The following GAD2 variants were observed in gnomAD, a reference collection of about 807,000 sequenced individuals.
The protein encoded by GAD2 is glutamate decarboxylase 2.
A neutral mutation model predicts 80.1 loss-of-function variants in GAD2; 22 were observed. The ratio of observed to expected loss-of-function variants is 0.27; its 90% CI spans 0.20 to 0.39. The LOEUF is 0.39. GAD2 is among the 10% of genes least tolerant of loss of function. The pLI is 1.00. For synonymous variants in GAD2, 274 were observed against 256.9 expected, an observed-to-expected ratio of 1.07 and a Z score of -0.64; for missense variants, 624 against 738.4, an observed-to-expected ratio of 0.85 and a Z score of 1.80.
chr10:26,234,014 T>C (rs944990477), intron 7 of GAD2, among the ~76,000 whole-genome samples: 2 of 152,040 alleles, frequency 1.3e-5, no homozygotes, highest in Admixed American at 6.6e-5. Flanking sequence ...TGCATAAATA[T>C]CAACCAACTT....
chr10:26,271,173 G>A (rs7068224), intron 10 of GAD2, among the ~76,000 whole-genome samples: 16,790 of 152,102 alleles, frequency 0.11, 3,034 homozygotes, highest in African/African-American at 0.38. Flanking sequence ...ACAAACAAAA[G>A]CAAAAAACTG....
At chr10:26,288,527 C>G (rs1834174399) in intron 13 of GAD2, among the ~76,000 whole-genome samples, 1 of 152,130 alleles carries the variant, frequency 6.6e-6, no homozygotes, top group Admixed American at 6.6e-5. Context: ...AAGAAAAACC[C>G]AAAGCAGTCA....
chr10:26,296,610 CA>C (rs1285975533), intron 15 of GAD2, among the ~76,000 whole-genome samples: 1 of 152,166 alleles, frequency 6.6e-6, no homozygotes, highest in African/African-American at 2.4e-5. Flanking sequence ...GCCTTGGACA[CA>C]GGGAGGGGCA....
At chr10:26,297,783 G>A (rs1426745438) in intron 15 of GAD2, among the ~76,000 whole-genome samples, 3 of 152,136 alleles carry the variant, frequency 2.0e-5, no homozygotes, top group African/African-American at 7.2e-5. Flanking sequence ...AGAGAGGAAG[G>A]GCAGGTTGGG....
chr10:26,246,673 A>C (rs996643456), intron 8 of GAD2, among the ~76,000 whole-genome samples: 10 of 152,214 alleles, frequency 6.6e-5, no homozygotes, highest in South Asian at 2.1e-4. Flanking sequence ...ATTTGTATTT[A>C]TTAGTCAGAT....
Position 26,219,285 on chromosome 10 carries a change from T to C in GAD2, c.520+9T>C. 3 of 1,458,974 alleles carry C rather than the reference T, an allele frequency of 2.1e-6. No homozygotes were observed. The highest frequency in any genetic ancestry group is 1.3e-5 in the South Asian group (1 of 78,374). The allele number at this position is 1,458,974 out of a possible 1,614,324, so 90.4% of individuals were successfully genotyped here. A position where few individuals can be genotyped will look rare whatever the true frequency, so the allele number is the denominator to read the frequency against. Reference sequence around the variant, plus strand: ...ATATGCAATTAAAACAGGTATTGTCTCATCGAAAATAATAAAGCTCTTTTT... The same window carrying C: ...ATATGCAATTAAAACAGGTATTGTCCCATCGAAAATAATAAAGCTCTTTTT... On this transcript the variant is annotated intron_variant, in intron 4 of 15. Transcript: ENST00000376261.
intron 12 of GAD2, among the ~76,000 whole-genome samples, chr10:26,282,303 C>T (rs1845281060): frequency 6.6e-6 from 1 of 152,086 alleles, no homozygotes; most frequent in Non-Finnish European, 1.5e-5. Context: ...ACAGTTAATA[C>T]ATTATTTTAG....
intron 11 of GAD2, among the ~76,000 whole-genome samples, chr10:26,277,242 C>T (rs756360217): frequency 1.1e-4 from 17 of 152,170 alleles, no homozygotes; most frequent in South Asian, 4.1e-4. Context: ...AGTTCAAACC[C>T]GTTTGGTTGG....
chr10:26,246,666 T>G (rs1442367432), intron 8 of GAD2, among the ~76,000 whole-genome samples: 1 of 152,222 alleles, frequency 6.6e-6, no homozygotes, highest in East Asian at 1.9e-4. Context: ...TTTATTTATT[T>G]GTATTTATTA....
At chr10:26,246,798 G>A (rs1226250973) in intron 8 of GAD2, among the ~76,000 whole-genome samples, 2 of 152,340 alleles carry the variant, frequency 1.3e-5, no homozygotes, top group Non-Finnish European at 2.9e-5. Context: ...GAAGGAGATA[G>A]TTACAGGGTG....
At chr10:26,234,633 A>G (rs2132279399) in intron 7 of GAD2, among the ~76,000 whole-genome samples, 1 of 152,318 alleles carries the variant, frequency 6.6e-6, no homozygotes, top group East Asian at 1.9e-4. Flanking sequence ...ACACTGGACA[A>G]GTTACTTAAT....
intron 15 of GAD2, 145 bp downstream of exon 15, chr10:26,293,136 G>T: frequency 1.6e-6 from 1 of 612,240 alleles, no homozygotes; most frequent in Non-Finnish European, 2.9e-6. Flanking sequence ...ACAGAGCCAG[G>T]ACATATAGAG....
intron 15 of GAD2, among the ~76,000 whole-genome samples, chr10:26,299,159 T>C (rs774663877): frequency 6.6e-6 from 1 of 152,208 alleles, no homozygotes; most frequent in South Asian, 2.1e-4. Flanking sequence ...GACCTTGTCT[T>C]TGGTAACTAA....
chr10:26,224,030 C>T (rs1844488301), intron 5 of GAD2, 53 bp downstream of exon 5: 1 of 1,264,402 alleles, frequency 7.9e-7, no homozygotes, highest in African/African-American at 1.5e-5. Flanking sequence ...TAGTGACATT[C>T]CATAGTCTTT....
chr10:26,297,344 T>G (rs944099951), intron 15 of GAD2, among the ~76,000 whole-genome samples: 4 of 152,238 alleles, frequency 2.6e-5, no homozygotes, highest in African/African-American at 9.6e-5. Flanking sequence ...AATACATTTC[T>G]GTGATATCTT....
At chr10:26,264,561 C>T (rs1300108048) in intron 8 of GAD2, among the ~76,000 whole-genome samples, 1 of 152,128 alleles carries the variant, frequency 6.6e-6, no homozygotes, top group Non-Finnish European at 1.5e-5. Context: ...CTGCCGGCCT[C>T]AGCCTCCCAA....
chr10:26,292,891 C>G lies in GAD2; in HGVS notation c.1495-11C>G. On this transcript the variant is annotated splice_polypyrimidine_tract_variant and intron_variant, in intron 14 of 15. Transcript: ENST00000376261. ...CTGGGCCAAATGTGAATCTTCCTTT[C>G]CTCTTTGTAGCCTCAGCACACAAAT... 4 of 1,611,230 alleles carry G rather than the reference C, an allele frequency of 2.5e-6. No homozygotes were observed. The highest frequency in any genetic ancestry group is 2.5e-6 in the Non-Finnish European group (3 of 1,177,558).
chr10:26,299,139 T>C (rs1462952396), intron 15 of GAD2, among the ~76,000 whole-genome samples: 1 of 152,212 alleles, frequency 6.6e-6, no homozygotes, highest in South Asian at 2.1e-4. Flanking sequence ...GAAGGTGAAG[T>C]CTACCTGTTG....
chr10:26,280,302 C>T (rs748844567), intron 11 of GAD2, among the ~76,000 whole-genome samples: 4 of 152,184 alleles, frequency 2.6e-5, no homozygotes, highest in South Asian at 2.1e-4. Flanking sequence ...GACGCACGCC[C>T]GTGACACAGC....
Sources: gnomAD v4.1 joint callset for allele counts (sites outside exome capture counted in the v4.1 genomes callset) on GRCh38, gnomAD v4.1.1 for gene constraint, MANE v1.5 for transcripts, NCBI Gene and HGNC (gene_info 2026-07-23, HGNC 2026-07-21) for gene names.